The following PLXNC1 variants were observed in gnomAD, a reference collection of about 807,000 sequenced individuals.
PLXNC1 encodes plexin C1, also known as plexin-C1.
In PLXNC1, 75 loss-of-function variants were observed where a neutral mutation model predicts 178.2. The ratio of observed to expected loss-of-function variants is 0.42; its 90% confidence interval spans 0.35 to 0.51. The LOEUF is 0.51. Ranked by LOEUF, PLXNC1 falls within the 20% of genes least tolerant of loss-of-function variation. The pLI, the probability that PLXNC1 is intolerant of heterozygous loss-of-function variation, is 0.02. For synonymous variants in PLXNC1, 790 were observed against 779.9 expected (o/e 1.01, Z -0.22); for missense variants, 1,503 against 1,984.4 (o/e 0.76, Z 4.61).
intron 4 of PLXNC1, among the ~76,000 whole-genome samples, chr12:94,187,203 C>G (rs1962549899): frequency 7.7e-6 from 1 of 129,574 alleles, no homozygotes. Flanking sequence ...AAAAAAAAAC[C>G]CATAACAGTG....
intron 4 of PLXNC1, among the ~76,000 whole-genome samples, chr12:94,189,032 G>T (rs535961640): frequency 6.6e-6 from 1 of 152,220 alleles, no homozygotes; most frequent in Non-Finnish European, 1.5e-5. Flanking sequence ...GGGAAATATC[G>T]AGCGGTTGCC....
In PLXNC1 at chr12:94,306,368, A is replaced by G. The variant is rs1260584442; in HGVS notation, c.*1083A>G. 4 of 152,312 alleles carry G rather than the reference A, an allele frequency of 2.6e-5. No homozygotes were observed. The highest frequency in any genetic ancestry group is 6.5e-5 in the Admixed American group (1 of 15,294). The allele number at this position is 152,312 out of a possible 1,614,324, so 9.4% of individuals were successfully genotyped here. ...TCTTAGTCTTACTATGTACTTTTTGAAAGTATTCCTCGCAGGAGAAAGAAT... is the reference window on the plus strand; with the variant it reads ...TCTTAGTCTTACTATGTACTTTTTGGAAGTATTCCTCGCAGGAGAAAGAAT... On this transcript the variant is annotated 3_prime_UTR_variant, in exon 31 of 31. Coordinates refer to ENST00000258526, the MANE Select transcript of PLXNC1 (RefSeq NM_005761.3).
chr12:94,251,570 G>A, intron 15 of PLXNC1, 42 bp downstream of exon 15: 1 of 1,281,980 alleles, frequency 7.8e-7, no homozygotes, highest in Non-Finnish European at 1.1e-6. Flanking sequence ...TTATTCCCTG[G>A]GGCCTCTCGC....
At position 94,294,204 on chromosome 12, in the gene PLXNC1, C is replaced by T. The variant is rs77665587; in HGVS notation, c.3880-282C>T. Among the ~76,000 whole-genome samples the T allele has an allele frequency of 8.7e-3, 1,318 of 152,266 alleles. 22 individuals are homozygous for T. The highest frequency in any genetic ancestry group is 0.031 in the African/African-American group (1,270 of 41,546). ...CAGGGCTTCCCACCTCCCATCTGTC[C>T]CACAGGGTCCTGGCCTCCACCTTCT... is the stretch of plus-strand genomic sequence containing the variant. On this transcript the variant is annotated intron_variant, in intron 23 of 30. Transcript: ENST00000258526.
chr12:94,274,616 C>G (rs1461718014), intron 21 of PLXNC1, among the ~76,000 whole-genome samples: 2 of 152,222 alleles, frequency 1.3e-5, no homozygotes, highest in African/African-American at 2.4e-5. Context: ...GGGGAAGGGA[C>G]CAGTGTACAT....
At position 94,169,789 on chromosome 12, in the gene PLXNC1, C is replaced by G. The variant is rs73362794; in HGVS notation, c.1203+496C>G. Among the ~76,000 whole-genome samples, 1,318 of 152,316 alleles carry G rather than the reference C, an allele frequency of 8.7e-3. 14 individuals carry two copies. Among genetic ancestry groups the G allele is most frequent in the African/African-American group, 0.031 (1,273 of 41,570 alleles). ...GTTTGTTTTTTGCCCTTTGTACCCA[C>G]ACACACCACAGAGAGGTTAGAGATC... is the stretch of plus-strand genomic sequence containing the variant. On this transcript the variant is annotated intron_variant, in intron 2 of 30. Transcript: ENST00000258526.
At chr12:94,205,054 GT>G (rs1963258831) in intron 4 of PLXNC1, among the ~76,000 whole-genome samples, 1 of 152,132 alleles carries the variant, frequency 6.6e-6, no homozygotes, top group South Asian at 2.1e-4. Context: ...ACATTTCTGA[GT>G]TCAGAGTTTC....
chr12:94,186,282 G>GGC (rs1468743136), intron 3 of PLXNC1, 91 bp from the exon 4 acceptor site: 1 of 848,632 alleles, frequency 1.2e-6, no homozygotes. Flanking sequence ...TTGATAAATA[G>GGC]GCTCTTTTTG....
chr12:94,297,517 T>G, intron 26 of PLXNC1, 94 bp downstream of exon 26: 1 of 855,276 alleles, frequency 1.2e-6, no homozygotes, highest in Non-Finnish European at 1.9e-6. Context: ...ATGTTACAAA[T>G]CCCTTGTGCC....
At chr12:94,214,457 T>G (rs1241902317) in intron 5 of PLXNC1, among the ~76,000 whole-genome samples, 2 of 152,186 alleles carry the variant, frequency 1.3e-5, no homozygotes, top group African/African-American at 4.8e-5. Context: ...TGACATTATT[T>G]GTAAAGCCCT....
intron 1 of PLXNC1, among the ~76,000 whole-genome samples, chr12:94,153,068 A>G (rs1463971293): frequency 6.6e-6 from 1 of 152,186 alleles, no homozygotes; most frequent in East Asian, 1.9e-4. Flanking sequence ...CAGCACTTCC[A>G]CATGTATTAT....
At chr12:94,212,571 T>C (rs1963513289) in intron 5 of PLXNC1, among the ~76,000 whole-genome samples, 1 of 150,214 alleles carries the variant, frequency 6.7e-6, no homozygotes, top group Non-Finnish European at 1.5e-5. Context: ...TGAGAACATG[T>C]GGTGTTTGGT....
At chr12:94,177,899 T>C (rs2135955236) in intron 2 of PLXNC1, among the ~76,000 whole-genome samples, 1 of 152,350 alleles carries the variant, frequency 6.6e-6, no homozygotes, top group South Asian at 2.1e-4. Context: ...CACCTCAACA[T>C]ATTTCGTTAT....
At chr12:94,289,970 A>G (rs1264007969) in intron 23 of PLXNC1, among the ~76,000 whole-genome samples, 2 of 152,252 alleles carry the variant, frequency 1.3e-5, no homozygotes, top group African/African-American at 4.8e-5. Flanking sequence ...GCCTGAGCAC[A>G]GCACTAGCAG....
intron 9 of PLXNC1, among the ~76,000 whole-genome samples, chr12:94,228,597 G>A (rs920708223): frequency 4.6e-5 from 7 of 151,948 alleles, no homozygotes; most frequent in African/African-American, 9.7e-5. Flanking sequence ...CTTGGAAACC[G>A]CCATTCTAAT....
intron 4 of PLXNC1, among the ~76,000 whole-genome samples, chr12:94,189,698 T>C (rs375243494): frequency 8.4e-4 from 126 of 150,752 alleles, no homozygotes; most frequent in African/African-American, 2.9e-3. Context: ...AAAAAATTGT[T>C]GGAACTAGAG....
chr12:94,175,137 G>A (rs994104097), intron 2 of PLXNC1, among the ~76,000 whole-genome samples: 2 of 152,168 alleles, frequency 1.3e-5, no homozygotes, highest in Non-Finnish European at 2.9e-5. Context: ...ATGCACGTGT[G>A]TGTATATGTA....
At chr12:94,263,925 A>G (rs1255299447) in intron 20 of PLXNC1, among the ~76,000 whole-genome samples, 2 of 152,090 alleles carry the variant, frequency 1.3e-5, no homozygotes, top group Non-Finnish European at 2.9e-5. Flanking sequence ...GAGAGACTTA[A>G]GATGTCTTAG....
chr12:94,231,079 G>A (rs193266735), intron 9 of PLXNC1, among the ~76,000 whole-genome samples: 47 of 152,258 alleles, frequency 3.1e-4, no homozygotes, highest in African/African-American at 1.0e-3. Flanking sequence ...TACACAGAGA[G>A]CCTCTCTGTG....
Sources: allele counts gnomAD v4.1 joint callset (sites outside exome capture counted in the v4.1 genomes callset), GRCh38; gene constraint gnomAD v4.1.1; transcripts MANE v1.5; gene names NCBI Gene and HGNC (gene_info 2026-07-23, HGNC 2026-07-21).